FAM177A1: variants seen among roughly 807,000 people sequenced by gnomAD.
The protein encoded by FAM177A1 is protein FAM177A1.
Under a neutral mutation model 26.1 loss-of-function variants are expected in FAM177A1, and 22 were observed. The observed-to-expected ratio is 0.84, with a 90% confidence interval of 0.60 to 1.20. FAM177A1 has a LOEUF of 1.20. FAM177A1 is among the 50% of genes most tolerant of loss of function. The probability of loss-of-function intolerance (pLI) is 0.00; values close to 1 mark genes in which losing one functional copy is unlikely to be tolerated. For missense variants in FAM177A1, 296 were observed against 291.1 expected, an observed-to-expected ratio of 1.02 and a Z score of -0.12; for synonymous variants, 95 against 99.3, an observed-to-expected ratio of 0.96 and a Z score of 0.26.
At chr14:35,058,149 C>T (rs919242344) in intron 2 of FAM177A1, among the ~76,000 whole-genome samples, 1 of 152,144 alleles carries the variant, frequency 6.6e-6, no homozygotes, top group East Asian at 1.9e-4. Flanking sequence ...TTTCAGCTCA[C>T]TGCAACCTCT....
intron 2 of FAM177A1, among the ~76,000 whole-genome samples, chr14:35,068,954 A>G (rs1005547155): frequency 2.6e-5 from 4 of 152,226 alleles, no homozygotes; most frequent in African/African-American, 9.6e-5. Context: ...TAATCCATTC[A>G]TGATGCTGGA....
chr14:35,072,494 A>T (rs2045338057), intron 2 of FAM177A1, among the ~76,000 whole-genome samples: 1 of 152,106 alleles, frequency 6.6e-6, no homozygotes, highest in South Asian at 2.1e-4. Flanking sequence ...ACTTGCTGTG[A>T]CTTCATGGAA....
chr14:35,071,669 G>C (rs773323727), intron 2 of FAM177A1, among the ~76,000 whole-genome samples: 3 of 152,002 alleles, frequency 2.0e-5, no homozygotes, highest in Non-Finnish European at 4.4e-5. Context: ...TTCAGCTCTG[G>C]AGCAGATTTG....
intron 2 of FAM177A1, among the ~76,000 whole-genome samples, chr14:35,066,041 A>T (rs1449862972): frequency 6.6e-6 from 1 of 151,684 alleles, no homozygotes; most frequent in Non-Finnish European, 1.5e-5. Context: ...ATAATATGAA[A>T]ATCGTAGGAA....
chr14:35,068,168 T>C (rs903753777), intron 2 of FAM177A1, among the ~76,000 whole-genome samples: 7 of 152,246 alleles, frequency 4.6e-5, no homozygotes, highest in Admixed American at 4.6e-4. Flanking sequence ...TTTTCCAATA[T>C]GTATTTCAGA....
intron 2 of FAM177A1, among the ~76,000 whole-genome samples, chr14:35,060,134 C>T (rs1294441462): frequency 1.3e-5 from 2 of 151,760 alleles, no homozygotes; most frequent in East Asian, 3.9e-4. Context: ...CCACCATGCC[C>T]GGGCTAATTA....
At chr14:35,051,416 CTTATTT>C (rs1232168162) in intron 1 of FAM177A1, among the ~76,000 whole-genome samples, 5 of 151,796 alleles carry the variant, frequency 3.3e-5, no homozygotes, top group Non-Finnish European at 7.4e-5. Flanking sequence ...AGCACCCAGC[CTTATTT>C]TTATTTTTTT....
intron 2 of FAM177A1, among the ~76,000 whole-genome samples, chr14:35,058,568 G>GT (rs759128930): frequency 6.6e-6 from 1 of 151,862 alleles, no homozygotes; most frequent in Non-Finnish European, 1.5e-5. Context: ...CTCTAGTTAC[G>GT]TTTTTTGTTT....
At chr14:35,046,158 G>A (rs2139050324), upstream of FAM177A1, 2 of 241,516 alleles carry the variant, frequency 8.3e-6, no homozygotes, top group South Asian at 1.3e-4. Context: ...GACGTCACAG[G>A]CGGTGCCAGG....
intron 1 of FAM177A1, among the ~76,000 whole-genome samples, chr14:35,051,203 G>A (rs927795534): frequency 4.6e-5 from 7 of 151,598 alleles, no homozygotes; most frequent in Non-Finnish European, 8.8e-5. Flanking sequence ...CACTGCAACC[G>A]CCACCTCCCG....
intron 2 of FAM177A1, among the ~76,000 whole-genome samples, chr14:35,063,501 C>G (rs2045191339): frequency 6.6e-6 from 1 of 151,894 alleles, no homozygotes; most frequent in African/African-American, 2.4e-5. Context: ...TCGCTTGAAC[C>G]TGGGAGGTGG....
intron 2 of FAM177A1, among the ~76,000 whole-genome samples, chr14:35,057,375 G>C (rs183654397): frequency 1.6e-3 from 248 of 151,832 alleles, no homozygotes; most frequent in African/African-American, 5.7e-3. Context: ...ATAAGTTTTT[G>C]TATGTTATAC....
chr14:35,080,938 T>C (rs2138576470), intron 4 of FAM177A1, 84 bp from the exon 5 acceptor site: 1 of 1,150,204 alleles, frequency 8.7e-7, no homozygotes, highest in Non-Finnish European at 1.1e-6. Flanking sequence ...TTTTTAAACA[T>C]AAGCTGACAG....
chr14:35,053,052 C>T (rs2044999764), intron 1 of FAM177A1: 1 of 444,922 alleles, frequency 2.2e-6, no homozygotes, highest in African/African-American at 2.0e-5. Context: ...TGCTGATAAT[C>T]TGCTTTCCAG....
At chr14:35,068,394 G>A (rs181094013) in intron 2 of FAM177A1, among the ~76,000 whole-genome samples, 34 of 152,292 alleles carry the variant, frequency 2.2e-4, no homozygotes, top group Non-Finnish European at 4.1e-4. Flanking sequence ...CTCTCTACTC[G>A]TCTGCATGCT....
At chr14:35,053,933 C>T (rs192347664) in intron 2 of FAM177A1, among the ~76,000 whole-genome samples, 13 of 152,186 alleles carry the variant, frequency 8.5e-5, no homozygotes, top group Middle Eastern at 3.4e-3. Context: ...GTGGAGGTTG[C>T]GGTGAACCAA....
chr14:35,045,678 A>T (rs1413613154), upstream of FAM177A1, among the ~76,000 whole-genome samples: 1 of 152,218 alleles, frequency 6.6e-6, no homozygotes, highest in East Asian at 1.9e-4. Context: ...CAGTAATTGC[A>T]TGATTTTTTA....
chr14:35,045,079 C>T (rs1008760583), upstream of FAM177A1: 1 of 152,096 alleles, frequency 6.6e-6, no homozygotes, highest in Non-Finnish European at 1.5e-5. Flanking sequence ...AATGCCAATT[C>T]ATGAAGTCTT....
Position 35,046,538 on chromosome 14 carries a change from C to T in FAM177A1, c.75C>T (p.Asp25=). 3 of 1,601,902 alleles carry T rather than the reference C, an allele frequency of 1.9e-6. No homozygotes were observed. Among genetic ancestry groups the T allele is most frequent in the Non-Finnish European group, 2.6e-6 (3 of 1,175,932 alleles). Residue 25 remains aspartate (D), a synonymous_variant, in exon 1 of 5, where the codon GAC becomes GAT. Transcript: ENST00000280987. The part of the protein sequence containing the change: ...ASSPVVATTM[D]QEPVGGVERG... ...GCCCTGTGGTGGCGACGACGATGGACCAGGAGCCAGTGGGCGGTGTGGAAC... is the reference window on the plus strand; with the variant it reads ...GCCCTGTGGTGGCGACGACGATGGATCAGGAGCCAGTGGGCGGTGTGGAAC...
Sources: gnomAD v4.1 joint callset for allele counts (sites outside exome capture counted in the v4.1 genomes callset) on GRCh38, gnomAD v4.1.1 for gene constraint, MANE v1.5 for transcripts, NCBI Gene and HGNC (gene_info 2026-07-23, HGNC 2026-07-21) for gene names.